Variants in CENPF observed in about 807,000 individuals in gnomAD.
The protein encoded by CENPF is centromere protein F, also known as AH antigen.
In CENPF, 214 loss-of-function variants were observed where a neutral mutation model predicts 307.3. The observed-to-expected ratio is 0.70, with a 90% CI of 0.62 to 0.78. The LOEUF (loss-of-function observed/expected upper bound fraction) is 0.78, where lower values mean the gene tolerates loss of function less well. CENPF is among the 30% of genes least tolerant of loss of function. The pLI is 0.00. For missense variants in CENPF, 3,401 were observed against 3,483.9 expected, an observed-to-expected ratio of 0.98 and a Z score of 0.60; for synonymous variants, 1,259 against 1,270.6, an observed-to-expected ratio of 0.99 and a Z score of 0.19.
In CENPF at chr1:214,646,758, T is replaced by C. The variant is rs759244923; in HGVS notation, c.7188T>C (p.Asn2396=). Residue 2396 remains asparagine (N), a synonymous_variant, in exon 13 of 20, where the codon AAT becomes AAC. Transcript: ENST00000366955. ...TTACTATAAGGTCAGAAAAAGAAAA[T>C]CTGACAAATGAATTACAAAAAGAGC... is the stretch of plus-strand genomic sequence containing the variant. The part of the protein sequence containing the change: ...DVVTIRSEKE[N]LTNELQKEQE... 3 of 1,613,284 alleles carry C rather than the reference T, an allele frequency of 1.9e-6. No homozygotes were observed. In the East Asian group the frequency reaches 6.7e-5, roughly 36 times the overall value.
rs561969554 is a variant in CENPF, at chr1:214,618,093, C to T, written c.360-480C>T. Among the ~76,000 whole-genome samples the T allele has an allele frequency of 1.1e-4, 16 of 152,294 alleles. 1 individual carries two copies. The South Asian group carries it at 3.1e-3, about 30-fold the overall frequency. ...AGGAAGGAGAAGAATGAGAACCAAG[C>T]ATAGGAGGAAGCCCCTTATAAAACC... On this transcript the variant is annotated intron_variant, in intron 3 of 19. Coordinates refer to ENST00000366955, the MANE Select transcript of CENPF (RefSeq NM_016343.4).
intron 10 of CENPF, among the ~76,000 whole-genome samples, chr1:214,637,268 A>T (rs1657988881): frequency 6.6e-6 from 1 of 152,128 alleles, no homozygotes; most frequent in South Asian, 2.1e-4. Flanking sequence ...ATCTTCCCCC[A>T]CTGGAGGATG....
chr1:214,640,047 C>A lies in CENPF; in HGVS notation c.1709C>A (p.Ser570Tyr). 1.2e-6 allele frequency: 2 copies of A among 1,602,996 alleles called. No homozygotes were observed. Among genetic ancestry groups the A allele is most frequent in the South Asian group, 2.3e-5 (2 of 87,778 alleles). The change falls in exon 12 of 20, where the codon TCT (serine) becomes TAT (tyrosine). Residue 570 changes from serine to tyrosine, a missense_variant. By Grantham distance (144) the Ser-to-Tyr change is moderately radical. Coordinates refer to ENST00000366955, the MANE Select transcript of CENPF (RefSeq NM_016343.4). Reference sequence around the variant, plus strand: ...GATCTGGAAAAGCAGCGAGATTGTTCTCAAGACCTTTTGAAGAAAAGAGAA... The same window carrying A: ...GATCTGGAAAAGCAGCGAGATTGTTATCAAGACCTTTTGAAGAAAAGAGAA... The part of the protein sequence containing the change: ...VADLEKQRDC[S>Y]QDLLKKREHH...
chr1:214,626,129 G>A (rs1039149893), intron 7 of CENPF, among the ~76,000 whole-genome samples: 1 of 151,946 alleles, frequency 6.6e-6, no homozygotes, highest in Non-Finnish European at 1.5e-5. Context: ...CTTCTTTTAG[G>A]GTAAGTCTGT....
intron 5 of CENPF, among the ~76,000 whole-genome samples, 177 bp downstream of exon 5, chr1:214,619,397 G>A (rs543736151): frequency 3.9e-5 from 6 of 152,168 alleles, no homozygotes; most frequent in Non-Finnish European, 8.8e-5. Flanking sequence ...TAAAAATAGG[G>A]TGGAATGAAT....
At position 214,659,432 on chromosome 1, in the gene CENPF, ATCCTT is replaced by A; in HGVS notation, c.9141+406_9141+410del. On this transcript the variant is annotated intron_variant, in intron 19 of 19. Coordinates refer to ENST00000366955, the MANE Select transcript of CENPF (RefSeq NM_016343.4). The surrounding 1 kb of genome is among the most constrained non-coding windows in gnomAD (Gnocchi z 4.4). ...TGCTAATTCTTTATTGTTTTTATTA[ATCCTT>A]TACTTTCTTAAAAAAAAAAAAAGCA... is the stretch of plus-strand genomic sequence containing the variant. Among the ~76,000 whole-genome samples the A allele has an allele frequency of 6.6e-6, 1 of 150,604 alleles. No homozygotes were observed. The highest frequency in any genetic ancestry group is 2.5e-5 in the African/African-American group (1 of 40,714).
intron 19 of CENPF, among the ~76,000 whole-genome samples, chr1:214,662,441 T>C (rs1399210856): frequency 6.6e-6 from 1 of 152,240 alleles, no homozygotes; most frequent in Non-Finnish European, 1.5e-5. Flanking sequence ...TTTCATGTAA[T>C]GAAAAGTATT....
chr1:214,618,393 G>T (rs1341028874), intron 3 of CENPF, among the ~76,000 whole-genome samples, 180 bp from the exon 4 acceptor site: 2 of 152,166 alleles, frequency 1.3e-5, no homozygotes, highest in Admixed American at 1.3e-4. Context: ...ACAGGACTGG[G>T]TTTATGTCTG....
rs565568731 is a variant in CENPF, at chr1:214,607,684, G to C, written c.-42+4363G>C. On this transcript the variant is annotated intron_variant, in intron 1 of 19. Transcript: ENST00000366955. Reference sequence around the variant, plus strand: ...GAAAGGTCACCAGAGGCCCACCCGGGTCTCCTCATCCAAAGCAGCACTGGC... The same window carrying C: ...GAAAGGTCACCAGAGGCCCACCCGGCTCTCCTCATCCAAAGCAGCACTGGC... Among the ~76,000 whole-genome samples the C allele has an allele frequency of 4.4e-4, 67 of 152,316 alleles. 1 individual carries two copies. The highest frequency in any genetic ancestry group is 1.0e-3 in the South Asian group (5 of 4,826).
In CENPF at chr1:214,650,696, G is replaced by A. The variant is rs576965765; in HGVS notation, c.7984-1014G>A. On this transcript the variant is annotated intron_variant, in intron 14 of 19. Transcript: ENST00000366955. Reference sequence around the variant, plus strand: ...GTGAGCTGATAACTTGAGTCCAGAAGTTCAAGACCAGCCTGGGCAACATGG... The same window carrying A: ...GTGAGCTGATAACTTGAGTCCAGAAATTCAAGACCAGCCTGGGCAACATGG... Among the ~76,000 whole-genome samples the A allele has an allele frequency of 9.2e-5, 14 of 152,254 alleles. 1 individual carries two copies. The South Asian group carries it at 2.9e-3, about 32-fold the overall frequency.
At chr1:214,625,648 CT>C (rs201348980) in intron 7 of CENPF, among the ~76,000 whole-genome samples, 3 of 151,136 alleles carry the variant, frequency 2.0e-5, no homozygotes, top group East Asian at 1.9e-4. Context: ...CATTTGTTTT[CT>C]TTTTTTTTCC....
At chr1:214,636,275 A>G (rs767051395) in intron 10 of CENPF, among the ~76,000 whole-genome samples, 6 of 152,246 alleles carry the variant, frequency 3.9e-5, no homozygotes, top group Non-Finnish European at 5.9e-5. Flanking sequence ...TATACGTTCC[A>G]TAATTTAATG....
rs1349039636 is a variant in CENPF at position 214,655,366 on chromosome 1, C to G, written c.8448C>G (p.Leu2816=). The G allele has an allele frequency of 1.2e-6, 2 of 1,607,752 alleles. No individual in the cohort carries two copies. Among genetic ancestry groups the G allele is most frequent in the South Asian group, 2.2e-5 (2 of 89,398 alleles). ...AAAAGGAGATACTGCAGAAAGAACT[C>G]TCTCAACTTCAAGCTGCACAGGAGA... ...EEEKEILQKE[L]SQLQAAQEKQ... is the part of the protein sequence containing the mutation. The change falls in exon 17 of 20, where the codon CTC becomes CTG. Residue 2816 remains leucine (L), a synonymous_variant. Coordinates refer to ENST00000366955, the MANE Select transcript of CENPF (RefSeq NM_016343.4).
intron 16 of CENPF, 143 bp downstream of exon 16, chr1:214,653,132 C>A: frequency 1.3e-6 from 1 of 764,264 alleles, no homozygotes; most frequent in Non-Finnish European, 2.3e-6. Flanking sequence ...CAGTTCTCTG[C>A]TGAGTTATCT....
At chr1:214,604,544 A>T (rs1656971304) in intron 1 of CENPF, among the ~76,000 whole-genome samples, 1 of 152,308 alleles carries the variant, frequency 6.6e-6, no homozygotes, top group Non-Finnish European at 1.5e-5. Context: ...TCAGCTTGCC[A>T]GTCTTCTTTA....
Position 214,651,797 on chromosome 1 carries a change from A to G in CENPF, c.8071A>G (p.Lys2691Glu), listed in dbSNP as rs368484890. The G allele has an allele frequency of 3.8e-5, 62 of 1,613,600 alleles. No homozygotes were observed. Among genetic ancestry groups the G allele is most frequent in the Middle Eastern group, 3.3e-4 (2 of 6,080 alleles). The change falls in exon 15 of 20, where the codon AAA becomes GAA. Residue 2691 changes from lysine (K) to glutamate (E), a missense_variant. Lys to Glu is a moderately conservative substitution (Grantham distance 56). Transcript: ENST00000366955. ...MHKDQVEKEGKVREEIAEYQL... is the reference protein window; with the variant it reads ...MHKDQVEKEGEVREEIAEYQL... ...CAAAGACCAGGTGGAAAAGGAAGGG[A>G]AAGTGAGAGAGGAAATAGCTGAATA...
chr1:214,663,543 G>A, intron 19 of CENPF, 48 bp from the exon 20 acceptor site: 1 of 1,564,590 alleles, frequency 6.4e-7, no homozygotes, highest in Non-Finnish European at 8.8e-7. Context: ...TTCATGTTGT[G>A]GAAATGTGAA....
In CENPF at chr1:214,645,257, G is replaced by A; in HGVS notation, c.5687G>A (p.Arg1896Lys). 6.2e-7 allele frequency: 1 copy of A among 1,613,996 alleles called. No homozygotes were observed. The highest frequency in any genetic ancestry group is 8.5e-7 in the Non-Finnish European group (1 of 1,180,004). The change falls in exon 13 of 20, where the codon AGA becomes AAA. Residue 1896 changes from arginine (R) to lysine (K), a missense_variant. Coordinates refer to ENST00000366955, the MANE Select transcript of CENPF (RefSeq NM_016343.4). ...AAGGTGAATGACAGCTGGAAGGAGA[G>A]ATTTCTTGATGTGGAAAATGAGCTG... ...VAKVNDSWKERFLDVENELSR... is the reference protein window; with the variant it reads ...VAKVNDSWKEKFLDVENELSR...
chr1:214,604,114 G>A (rs946059018), intron 1 of CENPF, among the ~76,000 whole-genome samples: 1 of 152,140 alleles, frequency 6.6e-6, no homozygotes. Flanking sequence ...TACAGTGCAC[G>A]GGGACTCTGG....
Sources: gnomAD v4.1 joint callset for allele counts (sites outside exome capture counted in the v4.1 genomes callset) on GRCh38, gnomAD v4.1.1 for gene constraint, Gnocchi (gnomAD v3.1) non-coding constraint, MANE v1.5 for transcripts, NCBI Gene and HGNC (gene_info 2026-07-23, HGNC 2026-07-21) for gene names.